Variants in NDST4 observed in about 807,000 individuals in gnomAD.
The protein encoded by NDST4 is N-heparan sulfate sulfotransferase 4.
In NDST4, 63 loss-of-function variants were observed where a neutral mutation model predicts 100.8. That is an observed-to-expected ratio of 0.62 (90% CI 0.51 to 0.77). The LOEUF is 0.77. NDST4 is among the 30% of genes least tolerant of loss of function. The pLI is 0.00. For synonymous variants in NDST4, 377 were observed against 361.8 expected (o/e 1.04, Z -0.48); for missense variants, 943 against 1,018.4 (o/e 0.93, Z 1.01).
rs565851214 is a variant in NDST4 at position 114,933,069 on chromosome 4, C to G, written c.1536+2137G>C. On this transcript the variant is annotated intron_variant, in intron 6 of 13. Coordinates refer to ENST00000264363, the MANE Select transcript of NDST4 (RefSeq NM_022569.3). ...AGACATCATGTTATCTATCATCAAA[C>G]TATACTACAAAGCTGTGGTAATAAA... 2.6e-5 allele frequency among the ~76,000 whole-genome samples: 4 copies of G among 152,188 alleles called. No individual in the cohort carries two copies. The East Asian group carries it at 7.7e-4, about 29-fold the overall frequency.
intron 1 of NDST4, among the ~76,000 whole-genome samples, chr4:115,083,276 T>A (rs971306081): frequency 6.6e-6 from 1 of 151,966 alleles, no homozygotes; most frequent in Non-Finnish European, 1.5e-5. Flanking sequence ...CAAAACAAGA[T>A]CTTGTCTCAA....
chr4:114,957,764 G>C (rs754791877), intron 4 of NDST4, among the ~76,000 whole-genome samples: 3 of 152,128 alleles, frequency 2.0e-5, no homozygotes, highest in Non-Finnish European at 2.9e-5. Context: ...GTTCCAAATG[G>C]GAGAAATTGG....
At chr4:114,902,031 G>A (rs1339614572) in intron 6 of NDST4, among the ~76,000 whole-genome samples, 1 of 151,920 alleles carries the variant, frequency 6.6e-6, no homozygotes, top group Non-Finnish European at 1.5e-5. Flanking sequence ...ATACATATGT[G>A]ACACATATAT....
chr4:114,830,824 T>G (rs1723180604), intron 12 of NDST4, among the ~76,000 whole-genome samples: 1 of 152,204 alleles, frequency 6.6e-6, no homozygotes, highest in Non-Finnish European at 1.5e-5. Context: ...GAATATTTTG[T>G]TGCCCTGGGC....
intron 1 of NDST4, among the ~76,000 whole-genome samples, chr4:115,091,484 A>T (rs1729517882): frequency 6.6e-6 from 1 of 152,126 alleles, no homozygotes; most frequent in Admixed American, 6.6e-5. Flanking sequence ...TGTGAGGTAG[A>T]AAGAAAAAAC....
At chr4:114,961,089 A>G (rs932613393) in intron 4 of NDST4, among the ~76,000 whole-genome samples, 1 of 152,062 alleles carries the variant, frequency 6.6e-6, no homozygotes, top group African/African-American at 2.4e-5. Context: ...TAAAATGTAT[A>G]TTGAAACTCT....
chr4:115,036,135 T>A (rs1443342788), intron 2 of NDST4, among the ~76,000 whole-genome samples: 1 of 151,796 alleles, frequency 6.6e-6, no homozygotes, highest in Non-Finnish European at 1.5e-5. Context: ...TTTATGTGTT[T>A]TTTTATAGCA....
At chr4:115,018,718 C>T (rs1727742691) in intron 2 of NDST4, among the ~76,000 whole-genome samples, 1 of 151,670 alleles carries the variant, frequency 6.6e-6, no homozygotes, top group African/African-American at 2.4e-5. Flanking sequence ...TCTAAGATTT[C>T]AAAATTTAGA....
intron 4 of NDST4, among the ~76,000 whole-genome samples, chr4:114,943,069 A>C (rs1167281383): frequency 6.8e-6 from 1 of 147,246 alleles, no homozygotes; most frequent in Non-Finnish European, 1.5e-5. Context: ...ATTAATTTAT[A>C]TATTATATAA....
intron 6 of NDST4, among the ~76,000 whole-genome samples, chr4:114,916,536 C>CTGTGTGTGTGTGTGTGTGTGTGTG (rs537961796): frequency 7.7e-6 from 1 of 129,050 alleles, no homozygotes; most frequent in East Asian, 2.5e-4. Flanking sequence ...CTGGTAGGCT[C>CTGTGTGTGTGTGTGTGTGTGTGTG]TGTGTGTGTG....
chr4:115,068,996 T>G (rs935881716), intron 2 of NDST4, among the ~76,000 whole-genome samples: 4 of 152,104 alleles, frequency 2.6e-5, no homozygotes, highest in African/African-American at 9.7e-5. Flanking sequence ...CTGTCACCTC[T>G]TAATTTTGGA....
chr4:114,986,813 TATATATATATA>T (rs1726917288), intron 2 of NDST4, among the ~76,000 whole-genome samples: 1 of 122,912 alleles, frequency 8.1e-6, no homozygotes, highest in Non-Finnish European at 1.7e-5. Context: ...TATATATATA[TATATATATATA>T]TATATATATT....
chr4:115,014,055 G>T (rs1727620818), intron 2 of NDST4, among the ~76,000 whole-genome samples: 1 of 152,066 alleles, frequency 6.6e-6, no homozygotes, highest in African/African-American at 2.4e-5. Flanking sequence ...TGTATCAGAT[G>T]TGGTTTTATT....
chr4:115,001,098 C>T (rs1212441438), intron 2 of NDST4, among the ~76,000 whole-genome samples: 2 of 152,110 alleles, frequency 1.3e-5, no homozygotes, highest in East Asian at 1.9e-4. Flanking sequence ...AGAGTTTTAA[C>T]ATATGAATTT....
chr4:114,841,233 A>C (rs1411101719), intron 10 of NDST4, among the ~76,000 whole-genome samples: 1 of 152,196 alleles, frequency 6.6e-6, no homozygotes. Context: ...TTTTATGGAA[A>C]AACAGCACTA....
rs184753588 is a variant in NDST4 at position 115,036,396 on chromosome 4, T to A, written c.978+39663A>T. ...TAATATAAACTATATATTTATATAA[T>A]TTTAAGGATAATAAGTATGTGTGTG... On this transcript the variant is annotated intron_variant, in intron 2 of 13. Transcript: ENST00000264363. 3.4e-4 allele frequency among the ~76,000 whole-genome samples: 51 copies of A among 150,612 alleles called. No homozygotes were observed. In the East Asian group the frequency reaches 9.5e-3, roughly 28 times the overall value.
chr4:115,054,523 A>G (rs1433521508), intron 2 of NDST4, among the ~76,000 whole-genome samples: 1 of 152,198 alleles, frequency 6.6e-6, no homozygotes, highest in African/African-American at 2.4e-5. Flanking sequence ...TGTTAAATCA[A>G]GAAGAAATAT....
intron 6 of NDST4, among the ~76,000 whole-genome samples, chr4:114,922,621 C>T (rs1321874925): frequency 6.6e-6 from 1 of 152,156 alleles, no homozygotes; most frequent in Admixed American, 6.5e-5. Context: ...GTCCCACACT[C>T]TGCCTTATGC....
Position 115,093,991 on chromosome 4 carries a change from AT to A in NDST4, c.-246-16710del, listed in dbSNP as rs201686609. Among the ~76,000 whole-genome samples the A allele has an allele frequency of 2.4e-3, 360 of 152,172 alleles. 3 individuals carry two copies. The highest frequency in any genetic ancestry group is 0.019 in the Admixed American group (294 of 15,282). ...GAGAGAAAAATAAAGCAAGAAGCTG[AT>A]TTTTTTAAAACAGCTAATCAATTTG... is the stretch of plus-strand genomic sequence containing the variant. On this transcript the variant is annotated intron_variant, in intron 1 of 13. Transcript: ENST00000264363.
Sources: allele counts gnomAD v4.1 joint callset (sites outside exome capture counted in the v4.1 genomes callset), GRCh38; gene constraint gnomAD v4.1.1; transcripts MANE v1.5; gene names NCBI Gene and HGNC (gene_info 2026-07-23, HGNC 2026-07-21).